Variants in RBFOX1 observed in about 807,000 individuals in gnomAD.
RBFOX1 encodes RNA binding fox-1 homolog 1, also known as RNA binding protein fox-1 homolog 1.
RBFOX1 carries 8 observed loss-of-function variants against 57.7 expected under a neutral mutation model. The observed-to-expected ratio is 0.14, with a 90% CI of 0.08 to 0.25. The LOEUF is 0.25. Ranked by LOEUF, RBFOX1 falls within the 10% of genes least tolerant of loss-of-function variation. The probability of loss-of-function intolerance (pLI) is 1.00; values close to 1 mark genes in which losing one functional copy is unlikely to be tolerated. For missense variants in RBFOX1, 611 were observed against 548.5 expected, an observed-to-expected ratio of 1.11 and a Z score of -1.14; for synonymous variants, 326 against 222.4, an observed-to-expected ratio of 1.47 and a Z score of -4.15.
chr16:6,640,195 A>C (rs550530247), intron 2 of RBFOX1, among the ~76,000 whole-genome samples: 1 of 152,160 alleles, frequency 6.6e-6, no homozygotes, highest in Non-Finnish European at 1.5e-5. Flanking sequence ...TTTTCTCTCA[A>C]ATATTATGGT....
chr16:5,796,098 G>C (rs1006197715), intron 3 of RBFOX1, among the ~76,000 whole-genome samples: 1 of 152,190 alleles, frequency 6.6e-6, no homozygotes, highest in Non-Finnish European at 1.5e-5. Flanking sequence ...CTGTCACTTT[G>C]TGAAGGCATG....
chr16:6,390,964 C>G (rs1305840466), intron 2 of RBFOX1, among the ~76,000 whole-genome samples: 1 of 152,136 alleles, frequency 6.6e-6, no homozygotes, highest in Non-Finnish European at 1.5e-5. Flanking sequence ...CTGGAGAATG[C>G]TCTTTGGTGA....
At chr16:7,113,932 G>A (rs74008803) in intron 4 of RBFOX1, among the ~76,000 whole-genome samples, 2,781 of 152,148 alleles carry the variant, frequency 0.018, 92 homozygotes, top group African/African-American at 0.063. Flanking sequence ...TATATTCCTA[G>A]AAGTAGAATA....
chr16:5,647,236 A>G (rs1009418474), intron 3 of RBFOX1, among the ~76,000 whole-genome samples: 4 of 152,216 alleles, frequency 2.6e-5, no homozygotes, highest in African/African-American at 9.7e-5. Flanking sequence ...CAGTGAGGCA[A>G]CAGGAGGTGA....
intron 4 of RBFOX1, among the ~76,000 whole-genome samples, chr16:7,223,395 A>G (rs150654850): frequency 6.6e-6 from 1 of 152,376 alleles, no homozygotes; most frequent in African/African-American, 2.4e-5. Context: ...GGTGGACTGC[A>G]TGGATAGATG....
chr16:7,164,493 G>C (rs1405720251), intron 4 of RBFOX1, among the ~76,000 whole-genome samples: 1 of 152,168 alleles, frequency 6.6e-6, no homozygotes, highest in African/African-American at 2.4e-5. Context: ...TAGTGGGATT[G>C]CTGGCAGAAA....
At position 6,800,458 on chromosome 16, in the gene RBFOX1, G is replaced by A. The variant is rs189364380; in HGVS notation, c.-16+145808G>A. ...GGGATCTTGCTAAATGCAAATTTTG[G>A]TTCAATAAGTCTCGGGTGGGGTCGG... On this transcript the variant is annotated intron_variant, in intron 3 of 15. Coordinates refer to ENST00000550418, the MANE Select transcript of RBFOX1 (RefSeq NM_018723.4). Among the ~76,000 whole-genome samples, 256 of 152,122 alleles carry A rather than the reference G, an allele frequency of 1.7e-3. 5 individuals carry two copies. The South Asian group carries it at 0.046, about 27-fold the overall frequency.
At chr16:5,810,146 A>G (rs1169760096) in intron 3 of RBFOX1, among the ~76,000 whole-genome samples, 2 of 142,724 alleles carry the variant, frequency 1.4e-5, no homozygotes, top group Admixed American at 7.3e-5. Flanking sequence ...GGACACAGGA[A>G]GGGGAACATC....
Position 7,656,246 on chromosome 16 carries a change from C to A in RBFOX1, c.890+2299C>A, listed in dbSNP as rs752980447. 2.6e-5 allele frequency among the ~76,000 whole-genome samples: 4 copies of A among 152,280 alleles called. No individual in the cohort carries two copies. In the East Asian group the frequency reaches 5.8e-4, roughly 22 times the overall value. On this transcript the variant is annotated intron_variant, in intron 12 of 15. Transcript: ENST00000550418. ...GGTACTGGTCAAAAAGAAGGAAATT[C>A]GTCTTGTTGCCTGGGTGTTTCACTG...
chr16:7,060,049 T>G (rs2053767129), intron 4 of RBFOX1, among the ~76,000 whole-genome samples: 1 of 152,216 alleles, frequency 6.6e-6, no homozygotes, highest in Non-Finnish European at 1.5e-5. Flanking sequence ...TTCTTTTCAA[T>G]GTGTCTTGAC....
intron 2 of RBFOX1, among the ~76,000 whole-genome samples, chr16:6,346,521 C>T (rs1183756802): frequency 6.6e-6 from 1 of 152,138 alleles, no homozygotes; most frequent in Non-Finnish European, 1.5e-5. Context: ...TGTAACTAAT[C>T]AAGGTGCTTC....
intron 2 of RBFOX1, among the ~76,000 whole-genome samples, chr16:5,569,015 ATTTTT>A (rs34247073): frequency 7.2e-6 from 1 of 139,496 alleles, no homozygotes. Flanking sequence ...TAATTTTTGT[ATTTTT>A]TTTTTTTTTT....
At chr16:7,199,550 C>T (rs2087735201) in intron 4 of RBFOX1, among the ~76,000 whole-genome samples, 1 of 152,156 alleles carries the variant, frequency 6.6e-6, no homozygotes, top group Non-Finnish European at 1.5e-5. Context: ...ATGGTATCTA[C>T]TTCCATACAC....
chr16:7,630,463 T>A, intron 10 of RBFOX1, 140 bp from the exon 11 acceptor site: 1 of 1,509,252 alleles, frequency 6.6e-7, no homozygotes, highest in East Asian at 2.5e-5. Context: ...GGCAGGGGGC[T>A]TTGTTGGGTA....
At chr16:6,024,444 G>C (rs2095146501) in intron 1 of RBFOX1, among the ~76,000 whole-genome samples, 1 of 152,116 alleles carries the variant, frequency 6.6e-6, no homozygotes, top group African/African-American at 2.4e-5. Flanking sequence ...AGAAGTAGCT[G>C]ATCTGTATGG....
chr16:7,428,582 G>A (rs970557215), intron 4 of RBFOX1, among the ~76,000 whole-genome samples: 1 of 149,478 alleles, frequency 6.7e-6, no homozygotes, highest in Non-Finnish European at 1.5e-5. Flanking sequence ...TGTTGGCCAG[G>A]CTGGTATCAA....
chr16:6,193,400 A>ATATATATACATTATATATATATAC (rs2097158120), intron 1 of RBFOX1, among the ~76,000 whole-genome samples: 2 of 85,230 alleles, frequency 2.3e-5, no homozygotes, highest in Admixed American at 1.3e-4. Flanking sequence ...TACTATATAT[A>ATATATATACATTATATATATATAC]TATATATATA....
intron 2 of RBFOX1, among the ~76,000 whole-genome samples, chr16:6,425,740 TAG>T (rs2093907439): frequency 6.6e-6 from 1 of 152,194 alleles, no homozygotes; most frequent in African/African-American, 2.4e-5. Flanking sequence ...AACGTTTTGA[TAG>T]AGTTTGCAGA....
At chr16:6,907,323 G>C (rs2070281206) in intron 3 of RBFOX1, among the ~76,000 whole-genome samples, 1 of 152,142 alleles carries the variant, frequency 6.6e-6, no homozygotes, top group Non-Finnish European at 1.5e-5. Context: ...CCAGTGCCCA[G>C]AGCTTCACTC....
Sources: gnomAD v4.1 joint callset for allele counts (sites outside exome capture counted in the v4.1 genomes callset) on GRCh38, gnomAD v4.1.1 for gene constraint, MANE v1.5 for transcripts, NCBI Gene and HGNC (gene_info 2026-07-23, HGNC 2026-07-21) for gene names.